Variants in AHDC1 observed in about 807,000 individuals in gnomAD.
AHDC1 encodes AT-hook DNA binding motif containing 1, also known as transcription factor Gibbin.
Under a neutral mutation model 87.9 loss-of-function variants are expected in AHDC1, and 7 were observed. The observed-to-expected ratio is 0.08, with a 90% CI of 0.05 to 0.15. The LOEUF (loss-of-function observed/expected upper bound fraction) is 0.15. Ranked by LOEUF, AHDC1 falls within the 10% of genes least tolerant of loss-of-function variation. AHDC1 has a pLI of 1.00. For missense variants in AHDC1, 1,841 were observed against 2,253.2 expected (o/e 0.82, Z 3.70); for synonymous variants, 1,051 against 1,006.8 (o/e 1.04, Z -0.83).
At position 27,558,907 on chromosome 1, in the gene AHDC1, C is replaced by T. The variant is rs2148333343; in HGVS notation, c.-628-24G>A. ...ATCTGTGGAAGCAAACACAGCACCA[C>T]AGAGATAAGCATGGACACAGGGTAA... On this transcript the variant is annotated intron_variant, in intron 3 of 8. Coordinates refer to ENST00000673934, the MANE Select transcript of AHDC1 (RefSeq NM_001371928.1). The surrounding 1 kb of genome is among the most constrained non-coding windows in gnomAD (Gnocchi z 5.6). 1 of 398,740 alleles carries T rather than the reference C, an allele frequency of 2.5e-6. No homozygotes were observed. The highest frequency in any genetic ancestry group is 4.4e-6 in the Non-Finnish European group (1 of 226,112). The allele number at this position is 398,740 out of a possible 1,614,324, so 24.7% of individuals were successfully genotyped here. A position where few individuals can be genotyped will look rare whatever the true frequency, so the allele number is the denominator to read the frequency against.
rs1010737698 is a variant in AHDC1, at chr1:27,549,720, C to T, written c.2396G>A (p.Arg799Gln). ...RNCGFQGTEA[R>Q]AFASTGLESG... is the part of the protein sequence containing the mutation. ...CTCCAGCCCAGTGGAGGCAAAGGCC[C>T]GGGCCTCGGTCCCCTGAAACCCACA... The change falls in exon 8 of 9, where the codon CGG becomes CAG. Residue 799 changes from arginine (R) to glutamine (Q), a missense_variant. This residue lies in a region of AHDC1 where 236 missense variants were observed against 257.9 expected (regional missense o/e 0.92). Transcript: ENST00000673934. The T allele has an allele frequency of 7.4e-6, 12 of 1,612,890 alleles. No individual in the cohort carries two copies. In the African/African-American group the frequency reaches 8.0e-5, roughly 11 times the overall value.
At chr1:27,584,917 A>T (rs1012142985) in intron 3 of AHDC1, among the ~76,000 whole-genome samples, 15 of 152,080 alleles carry the variant, frequency 9.9e-5, no homozygotes, top group African/African-American at 3.6e-4. Context: ...TCACACCTGT[A>T]ATCTCAGCAC....
chr1:27,588,032 T>C (rs2089111808), intron 3 of AHDC1, among the ~76,000 whole-genome samples: 1 of 152,186 alleles, frequency 6.6e-6, no homozygotes, highest in African/African-American at 2.4e-5. Flanking sequence ...AGATTTCCCA[T>C]AACCCCTTGA....
chr1:27,541,200 G>C (rs2018900650), intron 8 of AHDC1, among the ~76,000 whole-genome samples: 1 of 152,142 alleles, frequency 6.6e-6, no homozygotes, highest in Non-Finnish European at 1.5e-5. Flanking sequence ...CTGCCTCCAG[G>C]AATCTCCTGC....
At chr1:27,602,283 C>A (rs372597762) in intron 3 of AHDC1, among the ~76,000 whole-genome samples, 2 of 152,194 alleles carry the variant, frequency 1.3e-5, no homozygotes, top group East Asian at 3.9e-4. Flanking sequence ...TCCCTCCTCC[C>A]GCTCTGTGCC....
chr1:27,564,003 C>A (rs2020213155), intron 3 of AHDC1, among the ~76,000 whole-genome samples: 1 of 152,146 alleles, frequency 6.6e-6, no homozygotes. Context: ...GTTGCTATCA[C>A]CATGTGCTCA....
intron 3 of AHDC1, among the ~76,000 whole-genome samples, chr1:27,569,745 G>A (rs965196683): frequency 6.6e-6 from 1 of 152,052 alleles, no homozygotes; most frequent in African/African-American, 2.4e-5. Context: ...CACCTCCCCT[G>A]ACCCCCGGAT....
Position 27,549,710 on chromosome 1 carries a change from G to A in AHDC1, c.2406C>T (p.Ala802=). The A allele has an allele frequency of 1.2e-6, 2 of 1,612,852 alleles. No individual in the cohort carries two copies. Among genetic ancestry groups the A allele is most frequent in the South Asian group, 1.1e-5 (1 of 91,066 alleles). The change falls in exon 8 of 9, where the codon GCC becomes GCT. Residue 802 remains alanine, a synonymous_variant. Coordinates refer to ENST00000673934, the MANE Select transcript of AHDC1 (RefSeq NM_001371928.1). ...AGGCTCCACTCTCCAGCCCAGTGGA[G>A]GCAAAGGCCCGGGCCTCGGTCCCCT... ...GFQGTEARAF[A]STGLESGASG...
At chr1:27,600,179 C>T (rs1008568859) in intron 3 of AHDC1, among the ~76,000 whole-genome samples, 5 of 151,926 alleles carry the variant, frequency 3.3e-5, no homozygotes, top group Admixed American at 2.6e-4. Context: ...GGTCGCTCCC[C>T]CGCCCCCCTC....
chr1:27,563,344 G>GACACAC lies in AHDC1; in HGVS notation c.-628-4467_-628-4462dup, dbSNP rs58219407. ...CAGAACCTGTCACACAGCTGACCAA[G>GACACAC]ACACACACACACACACACACACACG... On this transcript the variant is annotated intron_variant, in intron 3 of 8. Transcript: ENST00000673934. This position sits in a 1 kb window ranked among gnomAD's most constrained non-coding sequence, Gnocchi z 6.1. 2.0e-5 allele frequency among the ~76,000 whole-genome samples: 3 copies of GACACAC among 148,006 alleles called. No individual in the cohort carries two copies. Among genetic ancestry groups the GACACAC allele is most frequent in the Non-Finnish European group, 4.5e-5 (3 of 66,364 alleles).
At chr1:27,589,291 C>A (rs1033065296) in intron 3 of AHDC1, among the ~76,000 whole-genome samples, 1 of 152,174 alleles carries the variant, frequency 6.6e-6, no homozygotes, top group Non-Finnish European at 1.5e-5. Flanking sequence ...TTGTCTTTGT[C>A]TGTGTCCGGG....
chr1:27,593,751 G>T lies in AHDC1; in HGVS notation c.-629+9646C>A, dbSNP rs537682332. Reference sequence around the variant, plus strand: ...ATCCCCCCAGGGTGGGCAGACAGCTGGGCTAAGCCAGTGCCTGCGGCTCCC... The same window carrying T: ...ATCCCCCCAGGGTGGGCAGACAGCTTGGCTAAGCCAGTGCCTGCGGCTCCC... On this transcript the variant is annotated intron_variant, in intron 3 of 8. Coordinates refer to ENST00000673934, the MANE Select transcript of AHDC1 (RefSeq NM_001371928.1). This position sits in a 1 kb window ranked among gnomAD's most constrained non-coding sequence, Gnocchi z 4.9. Among the ~76,000 whole-genome samples the T allele has an allele frequency of 6.6e-6, 1 of 152,356 alleles. No individual in the cohort carries two copies. The highest frequency in any genetic ancestry group is 1.9e-4 in the East Asian group (1 of 5,186).
In AHDC1 at chr1:27,558,161, A is replaced by C. The variant is rs926223823; in HGVS notation, c.-225+144T>G. 6.6e-6 allele frequency: 1 copy of C among 152,232 alleles called. No individual in the cohort carries two copies. The highest frequency in any genetic ancestry group is 1.5e-5 in the Non-Finnish European group (1 of 68,054). The allele number at this position is 152,232 out of a possible 1,614,324, so 9.4% of individuals were successfully genotyped here. A position where few individuals can be genotyped will look rare whatever the true frequency, so the allele number is the denominator to read the frequency against. On this transcript the variant is annotated intron_variant, in intron 5 of 8. Transcript: ENST00000673934. The surrounding 1 kb of genome is among the most constrained non-coding windows in gnomAD (Gnocchi z 5.6). ...TGCCTCTGCAGGGCAGGGCAGCTTC[A>C]CCTGGCTCTGCAGCTCCTGAGCCTG...
intron 5 of AHDC1, among the ~76,000 whole-genome samples, chr1:27,555,194 C>T (rs1351173508): frequency 6.6e-6 from 1 of 152,182 alleles, no homozygotes; most frequent in Non-Finnish European, 1.5e-5. Context: ...ATACCCAGGC[C>T]CTAGTCCAGG....
At chr1:27,575,894 AG>A (rs557201788) in intron 3 of AHDC1, among the ~76,000 whole-genome samples, 1,561 of 13,688 alleles carry the variant, frequency 0.11, 35 homozygotes, top group African/African-American at 0.31. Context: ...GCTGAATGGG[AG>A]GGGGGGCGGG....
At position 27,551,911 on chromosome 1, in the gene AHDC1, G is replaced by T; in HGVS notation, c.205C>A (p.Pro69Thr). ...ENPRPPPRRD[P>T]STRRPPVLAK... ...AGGACTGGTGGGCGCCGGGTGCTGG[G>T]GTCCCGGCGTGGGGGTGGGCGTGGG... is the stretch of plus-strand genomic sequence containing the variant. Residue 69 changes from proline to threonine, a missense_variant, in exon 8 of 9, where the codon CCC (proline) becomes ACC (threonine). By Grantham distance (38) the Pro-to-Thr change is conservative. Transcript: ENST00000673934. The T allele has an allele frequency of 6.3e-7, 1 of 1,588,708 alleles. No homozygotes were observed.
intron 3 of AHDC1, among the ~76,000 whole-genome samples, chr1:27,600,594 G>C (rs1403958629): frequency 6.6e-6 from 1 of 152,192 alleles, no homozygotes; most frequent in East Asian, 1.9e-4. Flanking sequence ...AGAGGTGGGA[G>C]TGGTTCAAAG....
chr1:27,559,082 C>T (rs1035955189), intron 3 of AHDC1, among the ~76,000 whole-genome samples, 199 bp from the exon 4 acceptor site: 5 of 151,952 alleles, frequency 3.3e-5, no homozygotes, highest in East Asian at 1.9e-4. Context: ...GGCCTCATCT[C>T]GTTTTGTGGC....
chr1:27,597,624 C>T (rs2089413788), intron 3 of AHDC1, among the ~76,000 whole-genome samples: 1 of 152,018 alleles, frequency 6.6e-6, no homozygotes, highest in Non-Finnish European at 1.5e-5. Flanking sequence ...TCCCTGACCT[C>T]TTTAGCAGCT....
Sources: gnomAD v4.1 joint callset for allele counts (sites outside exome capture counted in the v4.1 genomes callset) on GRCh38, gnomAD v4.1.1 for gene constraint, gnomAD v4.1.1 regional missense constraint, Gnocchi (gnomAD v3.1) non-coding constraint, MANE v1.5 for transcripts, NCBI Gene and HGNC (gene_info 2026-07-23, HGNC 2026-07-21) for gene names.